Variants in ZNF800 observed in about 807,000 individuals in gnomAD.
The protein encoded by ZNF800 is zinc finger protein 800.
In ZNF800, 13 loss-of-function variants were observed where a neutral mutation model predicts 59.5. The ratio of observed to expected loss-of-function variants is 0.22; its 90% CI spans 0.14 to 0.35. The LOEUF (loss-of-function observed/expected upper bound fraction) is 0.35, where lower values mean the gene tolerates loss of function less well. Ranked by LOEUF, ZNF800 falls within the 10% of genes least tolerant of loss-of-function variation. The pLI, the probability that ZNF800 is intolerant of heterozygous loss-of-function variation, is 1.00. For synonymous variants in ZNF800, 266 were observed against 265.7 expected (o/e 1.00, Z -0.01); for missense variants, 621 against 783.7 (o/e 0.79, Z 2.48).
chr7:127,373,797 G>C lies in ZNF800; in HGVS notation c.1539C>G (p.Asn513Lys). 1 of 1,614,102 alleles carries C rather than the reference G, an allele frequency of 6.2e-7. No homozygotes were observed. Among genetic ancestry groups the C allele is most frequent in the South Asian group, 1.1e-5 (1 of 91,076 alleles). ...GACACTTGTAGAATTTAACATAAAT[G>C]TTATTTCCATCTGTGTGCAACTCGA... is the stretch of plus-strand genomic sequence containing the variant. ...KHIELHTDGN[N>K]IYVKFYKCPL... Residue 513 changes from asparagine (N) to lysine (K), a missense_variant, in exon 5 of 6, where the codon AAC becomes AAG. Asn to Lys is a moderately conservative substitution (Grantham distance 94, BLOSUM62 0). Around this residue, in one of 7 missense-constraint regions of ZNF800, gnomAD observed 46 missense variants for 118.4 expected, o/e 0.39. Coordinates refer to ENST00000265827, the MANE Select transcript of ZNF800 (RefSeq NM_176814.5).
At chr7:127,350,830 CTG>C (rs1416482866) in intron 1 of ZNF800, among the ~76,000 whole-genome samples, 8 of 152,226 alleles carry the variant, frequency 5.3e-5, no homozygotes, top group African/African-American at 1.9e-4. Context: ...GAAAACCATG[CTG>C]TGTTGCTGAC....
At chr7:127,378,992 G>C (rs1800873860) in intron 3 of ZNF800, among the ~76,000 whole-genome samples, 1 of 151,996 alleles carries the variant, frequency 6.6e-6, no homozygotes, top group Admixed American at 6.5e-5. Context: ...TTATATACTT[G>C]AGTTTCTACT....
At chr7:127,352,572 C>T (rs1159210699) in intron 1 of ZNF800, among the ~76,000 whole-genome samples, 1 of 152,156 alleles carries the variant, frequency 6.6e-6, no homozygotes, top group African/African-American at 2.4e-5. Flanking sequence ...TCAATGCTCA[C>T]CAAGCAACCT....
At chr7:127,386,423 C>CA (rs1230177327) in intron 2 of ZNF800, among the ~76,000 whole-genome samples, 19 of 152,182 alleles carry the variant, frequency 1.2e-4, no homozygotes, top group African/African-American at 4.3e-4. Context: ...GGTTTCAATA[C>CA]AAAGACCTTA....
intron 1 of ZNF800, among the ~76,000 whole-genome samples, chr7:127,349,355 AG>A (rs1800130337): frequency 1.3e-5 from 2 of 152,194 alleles, no homozygotes; most frequent in Admixed American, 1.3e-4. Flanking sequence ...GCCTTGTTCC[AG>A]GAACATGCAT....
exon 2 of ZNF800, chr7:127,347,401 CG>C (rs1800086895): frequency 2.0e-5 from 1 of 50,744 alleles, no homozygotes; most frequent in Non-Finnish European, 4.1e-5. Flanking sequence ...GGGAGGTGGG[CG>C]GGGGGAAACT....
chr7:127,373,692 A>G lies in ZNF800; in HGVS notation c.1644T>C (p.Tyr548=). ...CTAAACTGGCTGTTATTTTCCCAAG[A>G]TAACGAGATGACTTTTTATGAACCA... ...ITVVHKKSSR[Y]LGKITASLEI... is the part of the protein sequence containing the mutation. The change falls in exon 5 of 6, where the codon TAT becomes TAC. Residue 548 remains tyrosine, a synonymous_variant. Coordinates refer to ENST00000265827, the MANE Select transcript of ZNF800 (RefSeq NM_176814.5). 1 of 1,614,196 alleles carries G rather than the reference A, an allele frequency of 6.2e-7. No homozygotes were observed. Among genetic ancestry groups the G allele is most frequent in the African/African-American group, 1.3e-5 (1 of 75,068 alleles).
Position 127,374,205 on chromosome 7 carries a change from A to G in ZNF800, c.1131T>C (p.His377=), listed in dbSNP as rs199900479. The stretch of plus-strand genomic sequence containing the variant: ...GAGTTATCTTGTGGACAATTTGCAT[A>G]TGTCTTTTAAGCATTATTTGTGAAC... ...KYSSQIMLKR[H]MQIVHKITLS... Residue 377 remains histidine, a synonymous_variant, in exon 5 of 6, where the codon CAT becomes CAC. Coordinates refer to ENST00000265827, the MANE Select transcript of ZNF800 (RefSeq NM_176814.5). The G allele has an allele frequency of 6.2e-7, 1 of 1,614,082 alleles. No individual in the cohort carries two copies. Among genetic ancestry groups the G allele is most frequent in the Non-Finnish European group, 8.5e-7 (1 of 1,179,992 alleles).
chr7:127,354,423 T>A (rs944411910), intron 1 of ZNF800, among the ~76,000 whole-genome samples: 1 of 152,074 alleles, frequency 6.6e-6, no homozygotes, highest in African/African-American at 2.4e-5. Flanking sequence ...AATGGAAAGT[T>A]CATGGACCAA....
intron 2 of ZNF800, among the ~76,000 whole-genome samples, chr7:127,389,012 G>A (rs1801226993): frequency 6.6e-6 from 1 of 152,026 alleles, no homozygotes; most frequent in South Asian, 2.1e-4. Context: ...CAAATCCTCA[G>A]AACATCTTTC....
Position 127,374,307 on chromosome 7 carries a change from A to G in ZNF800, c.1029T>C (p.Thr343=). The part of the protein sequence containing the change: ...DSISPKKSFK[T]RKQKSSSKAE... ...CCTTTGAAGAAGACTTTTGTTTTCG[A>G]GTCTTAAAAGATTTTTTAGGAGAAA... Residue 343 remains threonine (T), a synonymous_variant, in exon 5 of 6, where the codon ACT becomes ACC. Coordinates refer to ENST00000265827, the MANE Select transcript of ZNF800 (RefSeq NM_176814.5). 1 of 1,613,168 alleles carries G rather than the reference A, an allele frequency of 6.2e-7. No homozygotes were observed.
rs753199757 is a variant in ZNF800 at position 127,374,251 on chromosome 7, A to G, written c.1085T>C (p.Leu362Pro). Residue 362 changes from leucine (L) to proline (P), a missense_variant, in exon 5 of 6, where the codon CTC becomes CCC. By Grantham distance (98) the Leu-to-Pro change is moderately conservative. Transcript: ENST00000265827. ...TGAACTATATTTCCTCTTGCAAAGG[A>G]GGCATTTGCATGCAGTTAAATTGTA... ...AEYNLTACKC[L>P]LCKRKYSSQI... 4 of 1,613,934 alleles carry G rather than the reference A, an allele frequency of 2.5e-6. No homozygotes were observed. Among genetic ancestry groups the G allele is most frequent in the Non-Finnish European group, 3.4e-6 (4 of 1,179,920 alleles).
rs1801178902 is a variant in ZNF800, at chr7:127,387,692, C to A, written c.62-1537G>T. ...CCTGGGCAAAATGGCAAGACCCCAT[C>A]TCTACAAAAAATACAAAAATTAGCC... On this transcript the variant is annotated intron_variant, in intron 2 of 5. Coordinates refer to ENST00000265827, the MANE Select transcript of ZNF800 (RefSeq NM_176814.5). Among the ~76,000 whole-genome samples the A allele has an allele frequency of 2.6e-5, 4 of 152,136 alleles. No homozygotes were observed. In the South Asian group the frequency reaches 8.3e-4, roughly 32 times the overall value.
In ZNF800 at chr7:127,370,048, T is replaced by C. The variant is rs902572276; in HGVS notation, c.*1766A>G. On this transcript the variant is annotated 3_prime_UTR_variant, in exon 6 of 6. Transcript: ENST00000265827. Reference sequence around the variant, plus strand: ...CATAAAAGATAACACCTTGCAAAAGTCAAACATATAGGTTTAATAATGTGC... The same window carrying C: ...CATAAAAGATAACACCTTGCAAAAGCCAAACATATAGGTTTAATAATGTGC... The C allele has an allele frequency of 3.9e-5, 6 of 152,116 alleles. No individual in the cohort carries two copies. The highest frequency in any genetic ancestry group is 2.9e-5 in the Non-Finnish European group (2 of 68,000). The allele number at this position is 152,116 out of a possible 1,614,324, so 9.4% of individuals were successfully genotyped here. A position where few individuals can be genotyped will look rare whatever the true frequency, so the allele number is the denominator to read the frequency against.
chr7:127,372,721 C>T (rs1168209387), intron 5 of ZNF800: 1 of 985,060 alleles, frequency 1.0e-6, no homozygotes, highest in African/African-American at 1.8e-5. Context: ...GAAAAAAAAT[C>T]CAAACTTCTA....
intron 3 of ZNF800, among the ~76,000 whole-genome samples, chr7:127,378,137 C>T (rs1800840485): frequency 6.6e-6 from 1 of 152,016 alleles, no homozygotes; most frequent in South Asian, 2.1e-4. Context: ...ATCTTATTTA[C>T]AAGTGTAACG....
At chr7:127,389,719 G>A (rs552908675) in intron 2 of ZNF800, among the ~76,000 whole-genome samples, 2 of 152,232 alleles carry the variant, frequency 1.3e-5, no homozygotes, top group East Asian at 1.9e-4. Flanking sequence ...TACTGTTGAC[G>A]TGATAAGTCT....
intron 2 of ZNF800, among the ~76,000 whole-genome samples, chr7:127,390,985 G>A (rs1562913031): frequency 6.6e-6 from 1 of 152,170 alleles, no homozygotes; most frequent in African/African-American, 2.4e-5. Context: ...TTCTGCCCAA[G>A]ATATTTTTTT....
At chr7:127,352,670 C>A (rs1431759234) in intron 1 of ZNF800, among the ~76,000 whole-genome samples, 2 of 152,206 alleles carry the variant, frequency 1.3e-5, no homozygotes, top group East Asian at 1.9e-4. Context: ...GTGCCTGACA[C>A]TTCCCATCTC....
Sources: gnomAD v4.1 joint callset for allele counts (sites outside exome capture counted in the v4.1 genomes callset) on GRCh38, gnomAD v4.1.1 for gene constraint, gnomAD v4.1.1 regional missense constraint, MANE v1.5 for transcripts, NCBI Gene and HGNC (gene_info 2026-07-23, HGNC 2026-07-21) for gene names.